Variants in MCM9 observed in about 807,000 individuals in gnomAD.
MCM9 encodes the protein DNA helicase MCM9.
A neutral mutation model predicts 72.8 loss-of-function variants in MCM9; 55 were observed. The observed-to-expected ratio is 0.76, with a 90% confidence interval of 0.61 to 0.95. The LOEUF (loss-of-function observed/expected upper bound fraction) is 0.95, where lower values mean the gene tolerates loss of function less well. MCM9 is among the 40% of genes least tolerant of loss of function. The pLI is 0.00. For synonymous variants in MCM9, 480 were observed against 503.4 expected (o/e 0.95, Z 0.62); for missense variants, 1,279 against 1,377.0 (o/e 0.93, Z 1.13).
At chr6:118,883,399 T>A (rs1364651748) in intron 8 of MCM9, among the ~76,000 whole-genome samples, 2 of 151,112 alleles carry the variant, frequency 1.3e-5, no homozygotes, top group African/African-American at 4.8e-5. Context: ...GGAGGGGAAC[T>A]AAAAGGAGTA....
chr6:118,928,185 C>T (rs933741591), intron 3 of MCM9, among the ~76,000 whole-genome samples: 4 of 151,898 alleles, frequency 2.6e-5, no homozygotes, highest in Admixed American at 6.6e-5. Context: ...CTGAGGTGGG[C>T]GGATCACCTG....
chr6:118,817,111 CAGA>C (rs1415799966), intron 13 of MCM9, among the ~76,000 whole-genome samples: 1 of 151,776 alleles, frequency 6.6e-6, no homozygotes, highest in Non-Finnish European at 1.5e-5. Context: ...GAAATATTGC[CAGA>C]AGGACAACTT....
At chr6:118,818,716 A>G (rs563934801) in intron 13 of MCM9, among the ~76,000 whole-genome samples, 37 of 152,296 alleles carry the variant, frequency 2.4e-4, no homozygotes, top group African/African-American at 6.5e-4. Context: ...AATTACTTTA[A>G]GCAGTACAGC....
chr6:118,840,508 A>T (rs553183711), intron 9 of MCM9, among the ~76,000 whole-genome samples: 1 of 152,270 alleles, frequency 6.6e-6, no homozygotes, highest in Admixed American at 6.5e-5. Context: ...TGGTCTTCTC[A>T]TCAAAGGAAT....
rs573267380 is a variant in MCM9, at chr6:118,815,212, A to C, written c.3044T>G (p.Ile1015Ser). Residue 1015 changes from isoleucine (I) to serine (S), a missense_variant, in exon 14 of 14, where the codon ATT becomes AGT. Physicochemically the swap from Ile to Ser is moderately radical, Grantham distance 142 (BLOSUM62 -2). Transcript: ENST00000619706. ...CCCAAGCTCTAATTCAGGCTGAATA[A>C]TCCTCTTCTCAGGGGCACACATCAC... is the stretch of plus-strand genomic sequence containing the variant. The part of the protein sequence containing the change: ...EKVMCAPEKR[I>S]IQPELELGNE... 2.6e-6 allele frequency: 4 copies of C among 1,550,508 alleles called. No individual in the cohort carries two copies. The South Asian group carries it at 4.8e-5, about 18-fold the overall frequency.
At chr6:118,895,634 T>A (rs1039963334) in intron 8 of MCM9, among the ~76,000 whole-genome samples, 4 of 152,148 alleles carry the variant, frequency 2.6e-5, no homozygotes, top group African/African-American at 9.7e-5. Flanking sequence ...TACGTATTTT[T>A]AATATCTTTA....
Position 118,925,042 on chromosome 6 carries a change from C to CA in MCM9, c.305-916dup, listed in dbSNP as rs199654557. Reference sequence around the variant, plus strand: ...TTGGGGAACAGAGGAAGACCCTGTCCAAAAAAAAAGAAAGACAGGGAGGGA... The same window carrying CA: ...TTGGGGAACAGAGGAAGACCCTGTCCAAAAAAAAAAGAAAGACAGGGAGGGA... On this transcript the variant is annotated intron_variant, in intron 3 of 13. Transcript: ENST00000619706. Among the ~76,000 whole-genome samples, 894 of 136,736 alleles carry CA rather than the reference C, an allele frequency of 6.5e-3. 8 individuals carry two copies. The highest frequency in any genetic ancestry group is 7.2e-3 in the Middle Eastern group (2 of 278). The allele number at this position is 136,736 out of a possible 152,430, so 89.7% of individuals were successfully genotyped here.
intron 8 of MCM9, among the ~76,000 whole-genome samples, chr6:118,862,505 T>C (rs141444768): frequency 0.058 from 8,765 of 152,244 alleles, 365 homozygotes; most frequent in East Asian, 0.19. Context: ...CTGGGGATGA[T>C]GGGAGACAGT....
At chr6:118,924,237 A>G in intron 3 of MCM9, 110 bp from the exon 4 acceptor site, 1 of 988,830 alleles carries the variant, frequency 1.0e-6, no homozygotes, top group Non-Finnish European at 1.5e-6. Flanking sequence ...CAGGGGGAAA[A>G]AAAAGATTGT....
intron 8 of MCM9, among the ~76,000 whole-genome samples, chr6:118,886,527 A>C (rs1476572287): frequency 6.6e-6 from 1 of 152,206 alleles, no homozygotes; most frequent in African/African-American, 2.4e-5. Flanking sequence ...GATACCAAAA[A>C]AAAAAATCAA....
chr6:118,829,291 A>G, intron 9 of MCM9, 41 bp from the exon 10 acceptor site: 2 of 1,502,828 alleles, frequency 1.3e-6, no homozygotes, highest in Non-Finnish European at 1.8e-6. Context: ...TGTGAGGTTC[A>G]GATAAAATGC....
intron 8 of MCM9, among the ~76,000 whole-genome samples, chr6:118,880,710 T>A (rs1778231626): frequency 6.6e-6 from 1 of 152,222 alleles, no homozygotes; most frequent in African/African-American, 2.4e-5. Context: ...GTCTTTCCTT[T>A]CAAACTTTGG....
At chr6:118,823,283 G>T (rs1407813662) in intron 13 of MCM9, among the ~76,000 whole-genome samples, 1 of 152,156 alleles carries the variant, frequency 6.6e-6, no homozygotes, top group African/African-American at 2.4e-5. Flanking sequence ...AAAAACCATG[G>T]GAAAAGCGTA....
At position 118,884,647 on chromosome 6, in the gene MCM9, A is replaced by G. The variant is rs977586675; in HGVS notation, c.1150+27003T>C. ...GGCATATATTGACAGCATGGATACA[A>G]AAAAGAAAAACCAACTATATGCTAT... On this transcript the variant is annotated intron_variant, in intron 8 of 13. Transcript: ENST00000619706. 2.0e-5 allele frequency among the ~76,000 whole-genome samples: 3 copies of G among 152,212 alleles called. No individual in the cohort carries two copies. The East Asian group carries it at 5.8e-4, about 29-fold the overall frequency.
At chr6:118,844,975 C>A (rs150017071) in intron 9 of MCM9, among the ~76,000 whole-genome samples, 4 of 151,986 alleles carry the variant, frequency 2.6e-5, no homozygotes, top group Non-Finnish European at 5.9e-5. Flanking sequence ...AACAGCCATA[C>A]AGGAACAGCT....
Position 118,900,942 on chromosome 6 carries a change from A to G in MCM9, c.1150+10708T>C, listed in dbSNP as rs187611700. The G allele has an allele frequency of 1.2e-4, 142 of 1,155,866 alleles. No individual in the cohort carries two copies. In the African/African-American group the frequency reaches 1.9e-3, roughly 16 times the overall value. 71.6% of individuals were successfully genotyped at this position (1,155,866 alleles called of 1,614,324 possible). Reference sequence around the variant, plus strand: ...TGTTTCGAAGTAGACTATATTATCTATTATCTTATAACCCTTATCCCTTTC... The same window carrying G: ...TGTTTCGAAGTAGACTATATTATCTGTTATCTTATAACCCTTATCCCTTTC... On this transcript the variant is annotated intron_variant, in intron 8 of 13. Transcript: ENST00000619706.
intron 8 of MCM9, among the ~76,000 whole-genome samples, chr6:118,869,737 T>C (rs2114305855): frequency 6.6e-6 from 1 of 151,108 alleles, no homozygotes; most frequent in South Asian, 2.1e-4. Context: ...AAAAAAGACC[T>C]AACATAGGAT....
At chr6:118,842,677 G>T (rs1483227697) in intron 9 of MCM9, among the ~76,000 whole-genome samples, 1 of 151,994 alleles carries the variant, frequency 6.6e-6, no homozygotes. Flanking sequence ...GCATCACCAC[G>T]CTTTGCTATT....
intron 8 of MCM9, among the ~76,000 whole-genome samples, chr6:118,893,679 T>C (rs1390841751): frequency 2.0e-5 from 3 of 152,116 alleles, no homozygotes; most frequent in Non-Finnish European, 2.9e-5. Flanking sequence ...ACATGCAATT[T>C]ATTTCCCCTG....
Sources: allele counts gnomAD v4.1 joint callset (sites outside exome capture counted in the v4.1 genomes callset), GRCh38; gene constraint gnomAD v4.1.1; transcripts MANE v1.5; gene names NCBI Gene and HGNC (gene_info 2026-07-23, HGNC 2026-07-21).